The following PTPRT variants were observed in gnomAD, a reference collection of about 807,000 sequenced individuals.
The protein encoded by PTPRT is protein tyrosine phosphatase receptor type T, also known as receptor-type tyrosine-protein phosphatase T.
Under a neutral mutation model 176.8 loss-of-function variants are expected in PTPRT, and 56 were observed. The ratio of observed to expected loss-of-function variants is 0.32; its 90% CI spans 0.26 to 0.40. PTPRT has a LOEUF of 0.40. Ranked by LOEUF, PTPRT falls within the 10% of genes least tolerant of loss-of-function variation. The probability of loss-of-function intolerance (pLI) is 1.00; values close to 1 mark genes in which losing one functional copy is unlikely to be tolerated. For missense variants in PTPRT, 1,540 were observed against 1,908.2 expected, an observed-to-expected ratio of 0.81 and a Z score of 3.60; for synonymous variants, 783 against 739.0, an observed-to-expected ratio of 1.06 and a Z score of -0.96.
rs2056670130 is a variant in PTPRT, at chr20:42,257,650, C to CCCCCA, written c.2177-8829_2177-8828insTGGGG. On this transcript the variant is annotated intron_variant, in intron 13 of 30. Transcript: ENST00000373187. Reference sequence around the variant, plus strand: ...TGTGTAGCACCTCCCCCCACCCCCCCCCCCCCGCCCACTACTCTCTCTTGA... The same window carrying CCCCCA: ...TGTGTAGCACCTCCCCCCACCCCCCCCCCCACCCCCCGCCCACTACTCTCTCTTGA... Among the ~76,000 whole-genome samples the CCCCCA allele has an allele frequency of 2.3e-5, 2 of 87,984 alleles. 1 individual carries two copies. The highest frequency in any genetic ancestry group is 1.1e-4 in the African/African-American group (2 of 19,024). The allele number at this position is 87,984 out of a possible 152,430, so 57.7% of individuals were successfully genotyped here. A position where few individuals can be genotyped will look rare whatever the true frequency, so the allele number is the denominator to read the frequency against.
At chr20:43,114,216 C>A (rs1195768541) in intron 1 of PTPRT, among the ~76,000 whole-genome samples, 1 of 152,156 alleles carries the variant, frequency 6.6e-6, no homozygotes, top group Non-Finnish European at 1.5e-5. Context: ...TTTCCTCTAA[C>A]ACAGGAGGGA....
intron 1 of PTPRT, among the ~76,000 whole-genome samples, chr20:43,163,622 A>T (rs2014770342): frequency 6.6e-6 from 1 of 151,432 alleles, no homozygotes; most frequent in Admixed American, 6.6e-5. Context: ...TGGGCTACAG[A>T]GCGAGACTCC....
chr20:42,695,744 C>T (rs2075864424), intron 6 of PTPRT, among the ~76,000 whole-genome samples: 1 of 152,136 alleles, frequency 6.6e-6, no homozygotes, highest in African/African-American at 2.4e-5. Flanking sequence ...AAGCAGCTGT[C>T]AATCTGGAAA....
At chr20:42,311,324 G>T (rs1487349332) in intron 12 of PTPRT, among the ~76,000 whole-genome samples, 1 of 152,092 alleles carries the variant, frequency 6.6e-6, no homozygotes, top group Non-Finnish European at 1.5e-5. Context: ...AGCTACTAGG[G>T]TTTTGTACCT....
At chr20:42,049,940 C>A in the PTPRT span, among the ~76,000 whole-genome samples, 1 of 152,206 alleles carries the variant, frequency 6.6e-6, no homozygotes, top group Non-Finnish European at 1.5e-5. Flanking sequence ...CCTATCCCCC[C>A]ACCATCCTGC....
intron 2 of PTPRT, among the ~76,000 whole-genome samples, chr20:42,823,254 G>A (rs1054968602): frequency 6.6e-6 from 1 of 152,136 alleles, no homozygotes; most frequent in Non-Finnish European, 1.5e-5. Context: ...GGATGAAGCT[G>A]GAAGCCAGCA....
chr20:42,471,037 T>G (rs6072755), intron 8 of PTPRT, among the ~76,000 whole-genome samples: 53,568 of 151,882 alleles, frequency 0.35, 9,666 homozygotes, highest in East Asian at 0.44. Context: ...AAAGTCAGTA[T>G]AGAATTGGAG....
intron 6 of PTPRT, among the ~76,000 whole-genome samples, chr20:42,694,872 A>C (rs2867493): frequency 6.6e-6 from 1 of 151,832 alleles, no homozygotes; most frequent in Non-Finnish European, 1.5e-5. Flanking sequence ...TGCAAACAGG[A>C]TGTCTACTGT....
intron 1 of PTPRT, among the ~76,000 whole-genome samples, chr20:43,132,980 C>A (rs1359507556): frequency 6.6e-6 from 1 of 151,946 alleles, no homozygotes; most frequent in Non-Finnish European, 1.5e-5. Flanking sequence ...TAACGTGAAA[C>A]CAAGTTGAGA....
intron 1 of PTPRT, among the ~76,000 whole-genome samples, chr20:42,985,895 T>G (rs957262665): frequency 6.6e-6 from 1 of 152,068 alleles, no homozygotes; most frequent in African/African-American, 2.4e-5. Context: ...AGCCCAGCAG[T>G]GTGGCCAGCA....
intron 1 of PTPRT, among the ~76,000 whole-genome samples, chr20:42,952,786 G>A (rs1313970195): frequency 6.6e-6 from 1 of 152,118 alleles, no homozygotes; most frequent in African/African-American, 2.4e-5. Context: ...CAGGGGGTCT[G>A]GAAATAGATC....
intron 18 of PTPRT, among the ~76,000 whole-genome samples, chr20:42,134,220 C>T (rs531265213): frequency 2.2e-4 from 33 of 152,264 alleles, no homozygotes; most frequent in African/African-American, 6.7e-4. Flanking sequence ...AAAGATGGGG[C>T]GGCAGGCGAT....
At chr20:42,363,466 A>G (rs2058469683) in intron 9 of PTPRT, among the ~76,000 whole-genome samples, 2 of 150,090 alleles carry the variant, frequency 1.3e-5, no homozygotes, top group Admixed American at 1.3e-4. Context: ...ATGCACCTCC[A>G]CCCCTGGCTA....
intron 13 of PTPRT, among the ~76,000 whole-genome samples, chr20:42,251,569 A>T (rs1449765810): frequency 6.6e-6 from 1 of 152,064 alleles, no homozygotes; most frequent in Non-Finnish European, 1.5e-5. Flanking sequence ...ATTAAAAAAA[A>T]TGCATTGCTT....
chr20:42,278,828 T>C (rs913843145), intron 13 of PTPRT, among the ~76,000 whole-genome samples: 9 of 152,040 alleles, frequency 5.9e-5, no homozygotes, highest in African/African-American at 2.2e-4. Context: ...CATTAGCACC[T>C]CTGAAGTCTA....
chr20:42,439,091 A>T (rs2059288969), intron 9 of PTPRT, among the ~76,000 whole-genome samples: 1 of 152,218 alleles, frequency 6.6e-6, no homozygotes. Flanking sequence ...AATGACCTGT[A>T]TATGGCATCT....
intron 7 of PTPRT, among the ~76,000 whole-genome samples, chr20:42,526,964 T>C (rs1017907912): frequency 1.3e-3 from 169 of 128,036 alleles, no homozygotes; most frequent in African/African-American, 5.1e-3. Flanking sequence ...TTCTTTTTTT[T>C]TTTTTTTTTT....
chr20:42,272,454 C>T (rs1303017452), intron 13 of PTPRT, among the ~76,000 whole-genome samples: 2 of 151,832 alleles, frequency 1.3e-5, no homozygotes, highest in Non-Finnish European at 2.9e-5. Context: ...CAAAGACTGT[C>T]GCCCTCACAT....
chr20:42,515,722 G>C (rs1178668679), intron 7 of PTPRT, among the ~76,000 whole-genome samples: 1 of 152,070 alleles, frequency 6.6e-6, no homozygotes, highest in African/African-American at 2.4e-5. Context: ...CCCAGATCAA[G>C]AATGAACACA....
Sources: allele counts gnomAD v4.1 joint callset (sites outside exome capture counted in the v4.1 genomes callset), GRCh38; gene constraint gnomAD v4.1.1; transcripts MANE v1.5; gene names NCBI Gene and HGNC (gene_info 2026-07-23, HGNC 2026-07-21).